The following FAM193A variants were observed in gnomAD, a reference collection of about 807,000 sequenced individuals.
FAM193A encodes family with sequence similarity 193 member A, also known as protein FAM193A.
In FAM193A, 22 loss-of-function variants were observed where a neutral mutation model predicts 126.5. That is an observed-to-expected ratio of 0.17 (90% CI 0.12 to 0.25). The LOEUF (loss-of-function observed/expected upper bound fraction) is 0.25, where lower values mean the gene tolerates loss of function less well. Among genes scored for constraint, FAM193A ranks in the 10% least tolerant of loss-of-function variants. FAM193A has a pLI of 1.00. For missense variants in FAM193A, 1,675 were observed against 1,672.8 expected (o/e 1.00, Z -0.02); for synonymous variants, 761 against 646.8 (o/e 1.18, Z -2.68).
intron 5 of FAM193A, among the ~76,000 whole-genome samples, chr4:2,638,790 A>G (rs1744335897): frequency 6.6e-6 from 1 of 152,216 alleles, no homozygotes; most frequent in African/African-American, 2.4e-5. Context: ...CATAACAGTG[A>G]AATCTTTGTG....
chr4:2,731,313 A>C (rs1357930883), intron 20 of FAM193A, among the ~76,000 whole-genome samples: 8 of 150,236 alleles, frequency 5.3e-5, no homozygotes, highest in Non-Finnish European at 8.9e-5. Flanking sequence ...GGTTGCAGTG[A>C]GCCGAAACTG....
intron 19 of FAM193A, among the ~76,000 whole-genome samples, chr4:2,703,146 CTT>C (rs1717925812): frequency 6.6e-6 from 1 of 152,220 alleles, no homozygotes; most frequent in South Asian, 2.1e-4. Context: ...TGTCCTCATT[CTT>C]TCTGCAGCGA....
intron 2 of FAM193A, among the ~76,000 whole-genome samples, chr4:2,602,164 A>C (rs781308135): frequency 1.3e-5 from 2 of 151,806 alleles, no homozygotes; most frequent in Non-Finnish European, 2.9e-5. Flanking sequence ...ATATACATAC[A>C]TGTGCTATAT....
chr4:2,713,809 C>CT (rs1719257378), intron 19 of FAM193A, among the ~76,000 whole-genome samples: 1 of 152,168 alleles, frequency 6.6e-6, no homozygotes, highest in Admixed American at 6.5e-5. Flanking sequence ...ACAGAATTCT[C>CT]TGAGTTCTGG....
chr4:2,539,446 G>A (rs1737086863), intron 1 of FAM193A, among the ~76,000 whole-genome samples: 1 of 152,038 alleles, frequency 6.6e-6, no homozygotes. Flanking sequence ...AAAGAGACAC[G>A]GTCTCTCTCT....
rs1721308870 is a variant in FAM193A at position 2,730,941 on chromosome 4, A to T, written c.4455-834A>T. ...GCCAGGCACAGTGGCTCACGCCTGT[A>T]ATCCCAGCACTTTGGGAGGCCGAGG... On this transcript the variant is annotated intron_variant, in intron 20 of 20. Transcript: ENST00000637812. Among the ~76,000 whole-genome samples the T allele has an allele frequency of 2.0e-5, 3 of 152,084 alleles. No individual in the cohort carries two copies. The South Asian group carries it at 6.2e-4, about 32-fold the overall frequency.
chr4:2,675,255 C>T (rs912848610), intron 13 of FAM193A, among the ~76,000 whole-genome samples: 1 of 152,148 alleles, frequency 6.6e-6, no homozygotes, highest in Non-Finnish European at 1.5e-5. Context: ...CTCATTATGT[C>T]CAATTGATTG....
chr4:2,606,552 A>G (rs1577067108), intron 2 of FAM193A, among the ~76,000 whole-genome samples: 1 of 152,186 alleles, frequency 6.6e-6, no homozygotes, highest in African/African-American at 2.4e-5. Context: ...GGTGTAGTGT[A>G]GAAGCTAAAA....
At chr4:2,684,265 T>G (rs1715474041) in intron 13 of FAM193A, among the ~76,000 whole-genome samples, 1 of 152,212 alleles carries the variant, frequency 6.6e-6, no homozygotes, top group African/African-American at 2.4e-5. Context: ...TTCCATGTTC[T>G]GAGAACTTTT....
intron 1 of FAM193A, among the ~76,000 whole-genome samples, chr4:2,557,945 C>G (rs557377557): frequency 1.3e-5 from 2 of 150,322 alleles, no homozygotes; most frequent in African/African-American, 4.9e-5. Flanking sequence ...GAGTGAGACT[C>G]CGTCTCAAAA....
At chr4:2,570,873 C>T (rs7657770) in intron 1 of FAM193A, among the ~76,000 whole-genome samples, 12 of 152,218 alleles carry the variant, frequency 7.9e-5, no homozygotes, top group Non-Finnish European at 1.8e-4. Flanking sequence ...GGTCATGTAT[C>T]CTGGGTAGTA....
intron 5 of FAM193A, among the ~76,000 whole-genome samples, chr4:2,636,355 G>A (rs539106428): frequency 6.6e-6 from 1 of 152,262 alleles, no homozygotes; most frequent in East Asian, 1.9e-4. Flanking sequence ...GAGCCACCGT[G>A]CCCTGCCAGG....
intron 19 of FAM193A, among the ~76,000 whole-genome samples, chr4:2,714,903 A>AC (rs35510032): frequency 4.0e-5 from 6 of 151,460 alleles, no homozygotes; most frequent in South Asian, 2.1e-4. Context: ...TGTGCACTGC[A>AC]CCCCCCCAAC....
At chr4:2,620,755 G>C (rs576621913) in intron 2 of FAM193A, among the ~76,000 whole-genome samples, 3 of 142,962 alleles carry the variant, frequency 2.1e-5, no homozygotes, top group Non-Finnish European at 4.5e-5. Context: ...AGAATCGTTT[G>C]AACCCAGGAG....
At chr4:2,619,809 A>G (rs1261445849) in intron 2 of FAM193A, among the ~76,000 whole-genome samples, 4 of 151,430 alleles carry the variant, frequency 2.6e-5, no homozygotes, top group Non-Finnish European at 5.9e-5. Flanking sequence ...TCCTGCCTCA[A>G]CCTCTCGAGT....
At chr4:2,725,569 T>C (rs1343939309) in intron 20 of FAM193A, among the ~76,000 whole-genome samples, 2 of 147,766 alleles carry the variant, frequency 1.4e-5, no homozygotes, top group East Asian at 3.9e-4. Flanking sequence ...CTGTATTGTA[T>C]AGACTCTAGA....
At position 2,732,110 on chromosome 4, in the gene FAM193A, C is replaced by G. The variant is rs1168669329; in HGVS notation, c.*242C>G. On this transcript the variant is annotated 3_prime_UTR_variant, in exon 21 of 21. Coordinates refer to ENST00000637812, the MANE Select transcript of FAM193A (RefSeq NM_001366318.2). ...GTGCTGTCGGATTGGAACAGTAGTTCCCGCCAAGTCCTCCCACCACCGCGG... is the reference window on the plus strand; with the variant it reads ...GTGCTGTCGGATTGGAACAGTAGTTGCCGCCAAGTCCTCCCACCACCGCGG... The G allele has an allele frequency of 2.1e-5, 11 of 533,828 alleles. No homozygotes were observed. The East Asian group carries it at 3.6e-4, about 17-fold the overall frequency. 33.1% of individuals were successfully genotyped at this position (533,828 alleles called of 1,614,324 possible). A position where few individuals can be genotyped will look rare whatever the true frequency, so the allele number is the denominator to read the frequency against.
At chr4:2,544,381 G>A (rs1396625693) in intron 1 of FAM193A, among the ~76,000 whole-genome samples, 1 of 152,026 alleles carries the variant, frequency 6.6e-6, no homozygotes, top group African/African-American at 2.4e-5. Context: ...GCTATGTAGT[G>A]AGACTCTGTC....
chr4:2,595,950 C>G (rs1281798964), intron 1 of FAM193A, 134 bp from the exon 2 acceptor site: 1 of 580,884 alleles, frequency 1.7e-6, no homozygotes, highest in Admixed American at 3.1e-5. Context: ...TAGTTTTATT[C>G]AATACATTTC....
Sources: gnomAD v4.1 joint callset for allele counts (sites outside exome capture counted in the v4.1 genomes callset) on GRCh38, gnomAD v4.1.1 for gene constraint, MANE v1.5 for transcripts, NCBI Gene and HGNC (gene_info 2026-07-23, HGNC 2026-07-21) for gene names.